The following AGBL4 variants were observed in gnomAD, a reference collection of about 807,000 sequenced individuals.
The protein encoded by AGBL4 is cytosolic carboxypeptidase 6.
Under a neutral mutation model 66.4 loss-of-function variants are expected in AGBL4, and 58 were observed. That is an observed-to-expected ratio of 0.87 (90% CI 0.71 to 1.09). AGBL4 has a LOEUF of 1.09. Among genes scored for constraint, AGBL4 ranks in the 50% least tolerant of loss-of-function variants. AGBL4 has a pLI of 0.00. For synonymous variants in AGBL4, 234 were observed against 222.9 expected, an observed-to-expected ratio of 1.05 and a Z score of -0.44; for missense variants, 579 against 631.0, an observed-to-expected ratio of 0.92 and a Z score of 0.88.
At chr1:49,544,989 C>A (rs1279573530) in intron 3 of AGBL4, among the ~76,000 whole-genome samples, 1 of 152,178 alleles carries the variant, frequency 6.6e-6, no homozygotes, top group Admixed American at 6.5e-5. Flanking sequence ...ATGTTCCTAA[C>A]TATCTAATAT....
At chr1:49,935,054 G>T (rs1215704074) in intron 1 of AGBL4, among the ~76,000 whole-genome samples, 1 of 152,254 alleles carries the variant, frequency 6.6e-6, no homozygotes, top group Admixed American at 6.5e-5. Context: ...GGAAGTGCAA[G>T]GGGTCAGGGA....
At chr1:49,398,364 TC>T (rs1557902990) in intron 3 of AGBL4, among the ~76,000 whole-genome samples, 6 of 140,116 alleles carry the variant, frequency 4.3e-5, no homozygotes, top group Non-Finnish European at 6.4e-5. Flanking sequence ...TCTCTCTCTC[TC>T]TCGCTCCTGA....
chr1:49,988,156 C>A (rs1659658290), intron 1 of AGBL4, among the ~76,000 whole-genome samples: 1 of 151,920 alleles, frequency 6.6e-6, no homozygotes, highest in Non-Finnish European at 1.5e-5. Context: ...ACATATTTAT[C>A]CTTAAGCAAT....
In AGBL4 at chr1:49,867,319, T is replaced by TTA. The variant is rs1276776099; in HGVS notation, c.35-15803_35-15802dup. 2.2e-3 allele frequency among the ~76,000 whole-genome samples: 335 copies of TTA among 149,170 alleles called. 3 individuals carry two copies. Among genetic ancestry groups the TTA allele is most frequent in the African/African-American group, 7.4e-3 (305 of 41,022 alleles). ...ACTATAACTTCCTTTTGGGCTTCTT[T>TTA]TATATATATATTTATATATATATAT... is the stretch of plus-strand genomic sequence containing the variant. On this transcript the variant is annotated intron_variant, in intron 1 of 13. Transcript: ENST00000371839.
chr1:49,278,242 G>T (rs1644209035), intron 3 of AGBL4, among the ~76,000 whole-genome samples: 1 of 151,676 alleles, frequency 6.6e-6, no homozygotes, highest in Non-Finnish European at 1.5e-5. Context: ...CAAAAAAGTA[G>T]AAAATTTATC....
intron 5 of AGBL4, among the ~76,000 whole-genome samples, chr1:48,917,489 A>G (rs1653689474): frequency 6.6e-6 from 1 of 152,196 alleles, no homozygotes; most frequent in African/African-American, 2.4e-5. Flanking sequence ...CAGCTGTACT[A>G]TCCCAGATAT....
At chr1:48,598,731 A>G (rs1389808833) in intron 9 of AGBL4, among the ~76,000 whole-genome samples, 1 of 151,996 alleles carries the variant, frequency 6.6e-6, no homozygotes, top group East Asian at 2.0e-4. Context: ...CATTGGCACA[A>G]TCTCGGCTCA....
chr1:49,108,400 A>T lies in AGBL4; in HGVS notation c.378-62600T>A, dbSNP rs1645339247. 3.3e-5 allele frequency among the ~76,000 whole-genome samples: 5 copies of T among 152,334 alleles called. No individual in the cohort carries two copies. The South Asian group carries it at 1.0e-3, about 32-fold the overall frequency. On this transcript the variant is annotated intron_variant, in intron 4 of 13. Transcript: ENST00000371839. The stretch of plus-strand genomic sequence containing the variant: ...GGTACAGTTTAAACAAGAATAAAAT[A>T]AAGTAGAAAAAAGAAAAGCAGGTAA...
At chr1:49,738,594 G>A (rs1650112682) in intron 2 of AGBL4, among the ~76,000 whole-genome samples, 1 of 152,190 alleles carries the variant, frequency 6.6e-6, no homozygotes, top group African/African-American at 2.4e-5. Flanking sequence ...TGTGAGAAAG[G>A]ACAGACTGCC....
At chr1:48,782,673 T>C (rs960227822) in intron 6 of AGBL4, among the ~76,000 whole-genome samples, 3 of 152,226 alleles carry the variant, frequency 2.0e-5, no homozygotes, top group Non-Finnish European at 4.4e-5. Flanking sequence ...ATTGCCTTCA[T>C]ACCTCCTATC....
At chr1:49,997,852 G>A (rs1217345841) in intron 1 of AGBL4, among the ~76,000 whole-genome samples, 1 of 152,008 alleles carries the variant, frequency 6.6e-6, no homozygotes, top group Admixed American at 6.6e-5. Context: ...ATTATATCAA[G>A]TACTTTCTCA....
intron 4 of AGBL4, among the ~76,000 whole-genome samples, chr1:49,153,540 C>T (rs1201857385): frequency 1.3e-5 from 2 of 152,170 alleles, no homozygotes; most frequent in African/African-American, 4.8e-5. Flanking sequence ...TTCCTTTATA[C>T]CACCATCTAA....
chr1:48,557,041 C>T (rs1448987713), intron 11 of AGBL4, among the ~76,000 whole-genome samples: 2 of 152,102 alleles, frequency 1.3e-5, no homozygotes, highest in East Asian at 1.9e-4. Flanking sequence ...CCTCCTACCT[C>T]GGCCTTTCAA....
chr1:48,569,928 G>GT (rs1439480457), intron 11 of AGBL4, among the ~76,000 whole-genome samples: 1 of 152,170 alleles, frequency 6.6e-6, no homozygotes, highest in Non-Finnish European at 1.5e-5. Context: ...CAATGAAGTT[G>GT]TGTTTTCAAA....
intron 1 of AGBL4, among the ~76,000 whole-genome samples, chr1:49,975,843 T>TTAC (rs1658511546): frequency 6.6e-6 from 1 of 152,200 alleles, no homozygotes; most frequent in Admixed American, 6.5e-5. Flanking sequence ...GTTATTATTA[T>TTAC]TACTACTACT....
intron 3 of AGBL4, among the ~76,000 whole-genome samples, chr1:49,661,877 A>G (rs1646276364): frequency 6.6e-6 from 1 of 152,118 alleles, no homozygotes; most frequent in Non-Finnish European, 1.5e-5. Flanking sequence ...TGTCCATACC[A>G]GCCTTCTTTG....
At chr1:49,206,685 C>A (rs985364315) in intron 4 of AGBL4, among the ~76,000 whole-genome samples, 1 of 151,992 alleles carries the variant, frequency 6.6e-6, no homozygotes, top group Non-Finnish European at 1.5e-5. Flanking sequence ...ATACACTGCA[C>A]CTGCGTCACT....
intron 3 of AGBL4, among the ~76,000 whole-genome samples, chr1:49,316,396 A>AT (rs990475783): frequency 2.4e-4 from 36 of 152,034 alleles, no homozygotes; most frequent in African/African-American, 5.5e-4. Flanking sequence ...ATTTCATTCA[A>AT]TTTTTTCCGT....
chr1:49,225,867 T>C (rs1649872180), intron 4 of AGBL4, among the ~76,000 whole-genome samples: 1 of 152,164 alleles, frequency 6.6e-6, no homozygotes, highest in Non-Finnish European at 1.5e-5. Context: ...GCTACAGTAA[T>C]GAAAGGTGCT....
Sources: gnomAD v4.1 joint callset for allele counts (sites outside exome capture counted in the v4.1 genomes callset) on GRCh38, gnomAD v4.1.1 for gene constraint, MANE v1.5 for transcripts, NCBI Gene and HGNC (gene_info 2026-07-23, HGNC 2026-07-21) for gene names.